LIPC: variants seen among roughly 807,000 people sequenced by gnomAD.
LIPC encodes hepatic triacylglycerol lipase.
LIPC carries 44 observed loss-of-function variants against 50.7 expected under a neutral mutation model. That is an observed-to-expected ratio of 0.87 (90% CI 0.68 to 1.11). The LOEUF is 1.11. Ranked by LOEUF, LIPC falls within the 50% of genes most tolerant of loss-of-function variation. The pLI is 0.00. For missense variants in LIPC, 697 were observed against 648.2 expected (o/e 1.08, Z -0.82); for synonymous variants, 271 against 256.4 (o/e 1.06, Z -0.54).
At chr15:58,481,792 C>T (rs1344278584) in intron 1 of LIPC, among the ~76,000 whole-genome samples, 1 of 152,202 alleles carries the variant, frequency 6.6e-6, no homozygotes, top group East Asian at 1.9e-4. Flanking sequence ...GAGCGAGACT[C>T]CATCTCTAAA....
chr15:58,539,527 C>A (rs1893252235), intron 2 of LIPC, among the ~76,000 whole-genome samples: 1 of 152,134 alleles, frequency 6.6e-6, no homozygotes, highest in Non-Finnish European at 1.5e-5. Context: ...CAGTGTCTAG[C>A]CCACCCATGA....
chr15:58,476,115 A>G (rs1314941562), intron 1 of LIPC, among the ~76,000 whole-genome samples: 3 of 152,244 alleles, frequency 2.0e-5, no homozygotes, highest in Admixed American at 6.5e-5. Context: ...CATTTTACAG[A>G]AAAAGATACT....
chr15:58,487,866 G>C (rs1257248266), intron 1 of LIPC, among the ~76,000 whole-genome samples: 1 of 152,192 alleles, frequency 6.6e-6, no homozygotes, highest in Non-Finnish European at 1.5e-5. Context: ...TTGCCAAGGA[G>C]CATGGTGGGA....
intron 1 of LIPC, among the ~76,000 whole-genome samples, chr15:58,511,621 C>T (rs1308817819): frequency 2.0e-5 from 3 of 152,158 alleles, no homozygotes; most frequent in African/African-American, 4.8e-5. Flanking sequence ...TAAATTGGCG[C>T]TGACAACTGG....
At chr15:58,510,828 T>G (rs1199095443) in intron 1 of LIPC, among the ~76,000 whole-genome samples, 1 of 152,246 alleles carries the variant, frequency 6.6e-6, no homozygotes, top group East Asian at 1.9e-4. Flanking sequence ...AAACATAAGA[T>G]CATAACACGT....
At chr15:58,459,251 C>G (rs1894247878) in intron 1 of LIPC, among the ~76,000 whole-genome samples, 1 of 152,158 alleles carries the variant, frequency 6.6e-6, no homozygotes, top group Admixed American at 6.5e-5. Flanking sequence ...TGGCTTTTCC[C>G]AGCAAGCAGG....
rs544198137 is a variant in LIPC at position 58,432,038 on chromosome 15, C to A, written c.6C>A (p.Asp2Glu). 37 of 1,612,930 alleles carry A rather than the reference C, an allele frequency of 2.3e-5. No homozygotes were observed. In the South Asian group the frequency reaches 3.5e-4, roughly 15 times the overall value. Residue 2 changes from aspartate (D) to glutamate (E), a missense_variant, in exon 1 of 9, where the codon GAC becomes GAA. Coordinates refer to ENST00000299022, the MANE Select transcript of LIPC (RefSeq NM_000236.3). Reference protein sequence around the residue: MDTSPLCFSILL... With the variant: METSPLCFSILL... ...ACCCCGGGTGAAACGGAGAAATGGACACAAGTCCCCTGTGTTTCTCCATTC... is the reference window on the plus strand; with the variant it reads ...ACCCCGGGTGAAACGGAGAAATGGAAACAAGTCCCCTGTGTTTCTCCATTC...
intron 1 of LIPC, among the ~76,000 whole-genome samples, chr15:58,438,311 C>T (rs1893378961): frequency 6.6e-6 from 1 of 152,084 alleles, no homozygotes; most frequent in Non-Finnish European, 1.5e-5. Flanking sequence ...ACCACCCAGG[C>T]CTCAGCCTGG....
intron 2 of LIPC, 40 bp from the exon 3 acceptor site, chr15:58,541,745 A>G (rs761811164): frequency 1.3e-6 from 2 of 1,596,644 alleles, no homozygotes; most frequent in Non-Finnish European, 1.7e-6. Context: ...GAGCGGGGAG[A>G]AAGGAAACTA....
chr15:58,436,705 G>A, intron 1 of LIPC: 1 of 456,220 alleles, frequency 2.2e-6, no homozygotes, highest in South Asian at 1.5e-5. Context: ...CATGAGATGA[G>A]GACCATGAGA....
chr15:58,452,728 A>T (rs1453071213), intron 1 of LIPC, among the ~76,000 whole-genome samples: 1 of 44,670 alleles, frequency 2.2e-5, no homozygotes, highest in African/African-American at 8.8e-5. Flanking sequence ...GGTAGGGTGG[A>T]GTGGGATGGG....
intron 1 of LIPC, among the ~76,000 whole-genome samples, chr15:58,505,452 G>T (rs1245576630): frequency 6.6e-6 from 1 of 152,214 alleles, no homozygotes; most frequent in Admixed American, 6.5e-5. Context: ...AACACAAAGT[G>T]TGCTCAACAG....
rs567217390 is a variant in LIPC, at chr15:58,438,068, T to G, written c.88+5948T>G. 2.0e-5 allele frequency among the ~76,000 whole-genome samples: 3 copies of G among 152,278 alleles called. No homozygotes were observed. In the South Asian group the frequency reaches 6.2e-4, roughly 32 times the overall value. On this transcript the variant is annotated intron_variant, in intron 1 of 8. Transcript: ENST00000299022. ...GGCTGACGGTTGAAGGCATGGGGTC[T>G]GTAAGCTGACCCGAAAACATGAATC...
At chr15:58,527,146 C>T (rs140585446) in intron 1 of LIPC, among the ~76,000 whole-genome samples, 44 of 152,316 alleles carry the variant, frequency 2.9e-4, no homozygotes, top group African/African-American at 1.0e-3. Flanking sequence ...GTGCACATGC[C>T]CAGAAAACTT....
At chr15:58,538,060 G>A (rs1893194106) in intron 1 of LIPC, among the ~76,000 whole-genome samples, 1 of 152,136 alleles carries the variant, frequency 6.6e-6, no homozygotes. Flanking sequence ...TATTCCTTAT[G>A]ACCTAGAGGG....
At chr15:58,542,899 T>TTTA (rs1474856182) in intron 4 of LIPC, among the ~76,000 whole-genome samples, 5 of 152,240 alleles carry the variant, frequency 3.3e-5, no homozygotes, top group Non-Finnish European at 7.3e-5. Context: ...CATGTTGGTG[T>TTTA]GCCAAATGGG....
chr15:58,548,434 A>G lies in LIPC; in HGVS notation c.913A>G (p.Met305Val), dbSNP rs940558190. 2.5e-6 allele frequency: 4 copies of G among 1,614,050 alleles called. No individual in the cohort carries two copies. In the African/African-American group the frequency reaches 5.3e-5, roughly 22 times the overall value. The change falls in exon 6 of 9, where the codon ATG (methionine) becomes GTG (valine). Residue 305 changes from methionine (M) to valine (V), a missense_variant. Coordinates refer to ENST00000299022, the MANE Select transcript of LIPC (RefSeq NM_000236.3). ...GAGCATGGCCTACCCGTGTGGTGAC[A>G]TGAACAGCTTCAGCCAGGGCCTGTG... is the stretch of plus-strand genomic sequence containing the variant. ...TQSMAYPCGD[M>V]NSFSQGLCLS...
chr15:58,533,027 C>A, intron 1 of LIPC: 1 of 301,348 alleles, frequency 3.3e-6, no homozygotes, highest in Non-Finnish European at 4.9e-6. Flanking sequence ...CCTAGTCCAT[C>A]AACCCCTTTT....
At chr15:58,542,353 A>G (rs879768742) in intron 3 of LIPC, among the ~76,000 whole-genome samples, 181 bp from the exon 4 acceptor site, 22 of 152,202 alleles carry the variant, frequency 1.4e-4, no homozygotes, top group Non-Finnish European at 2.1e-4. Context: ...GCGAGGTCAC[A>G]GGTACCTGAG....
Sources: allele counts gnomAD v4.1 joint callset (sites outside exome capture counted in the v4.1 genomes callset), GRCh38; gene constraint gnomAD v4.1.1; transcripts MANE v1.5; gene names NCBI Gene and HGNC (gene_info 2026-07-23, HGNC 2026-07-21).